CCDC125: variants seen among roughly 807,000 people sequenced by gnomAD.
The protein encoded by CCDC125 is coiled-coil domain-containing protein 125.
A neutral mutation model predicts 57.4 loss-of-function variants in CCDC125; 43 were observed. The ratio of observed to expected loss-of-function variants is 0.75; its 90% confidence interval spans 0.59 to 0.97. CCDC125 has a LOEUF of 0.97. Ranked by LOEUF, CCDC125 falls within the 50% of genes least tolerant of loss-of-function variation. CCDC125 has a pLI of 0.00. For synonymous variants in CCDC125, 187 were observed against 195.2 expected (o/e 0.96, Z 0.35); for missense variants, 563 against 595.7 (o/e 0.95, Z 0.57).
downstream of CCDC125, among the ~76,000 whole-genome samples, chr5:69,278,703 CTTTTTTTTTT>C (rs34258569): frequency 1.9e-4 from 21 of 108,126 alleles, no homozygotes; most frequent in African/African-American, 7.6e-4. Context: ...TCTCTCTCTC[CTTTTTTTTTT>C]TTTTTTTTTG....
chr5:69,325,847 AAAAAG>A, intron 1 of CCDC125, among the ~76,000 whole-genome samples: 1 of 151,252 alleles, frequency 6.6e-6, no homozygotes, highest in Non-Finnish European at 1.5e-5. Flanking sequence ...AAAAAAAAAA[AAAAAG>A]AGAGACAGCA....
intron 8 of CCDC125, among the ~76,000 whole-genome samples, chr5:69,298,568 C>T (rs2150398078): frequency 6.6e-6 from 1 of 152,204 alleles, no homozygotes; most frequent in South Asian, 2.1e-4. Flanking sequence ...CCTAGGTTGC[C>T]AAAAGCAACT....
chr5:69,286,688 T>G (rs1207066198), intron 10 of CCDC125, among the ~76,000 whole-genome samples: 1 of 152,160 alleles, frequency 6.6e-6, no homozygotes, highest in Non-Finnish European at 1.5e-5. Context: ...TTGCAGAAGT[T>G]ATAAAATCTC....
chr5:69,276,027 CT>C (rs905393838), downstream of CCDC125, among the ~76,000 whole-genome samples: 1 of 151,984 alleles, frequency 6.6e-6, no homozygotes. Context: ...AGAAGGGAGT[CT>C]TTTTTTCTTT....
chr5:69,331,491 A>T (rs1242377571), intron 1 of CCDC125, among the ~76,000 whole-genome samples: 3 of 152,016 alleles, frequency 2.0e-5, no homozygotes, highest in Non-Finnish European at 2.9e-5. Context: ...CGGTCTCCCA[A>T]AGTGCTGGAA....
In CCDC125 at chr5:69,300,138, C is replaced by T; in HGVS notation, c.701-11G>A. 1.3e-6 allele frequency: 2 copies of T among 1,589,096 alleles called. No homozygotes were observed. Among genetic ancestry groups the T allele is most frequent in the East Asian group, 2.2e-5 (1 of 44,760 alleles). On this transcript the variant is annotated splice_polypyrimidine_tract_variant and intron_variant, in intron 7 of 11. Coordinates refer to ENST00000396496, the MANE Select transcript of CCDC125 (RefSeq NM_176816.5). ...ACCGTTGATTCAAAACTAGGAAGGG[C>T]CATATGAGAAAGTATTCATTATGAA... is the stretch of plus-strand genomic sequence containing the variant.
downstream of CCDC125, chr5:69,277,305 A>G: frequency 2.2e-6 from 1 of 450,554 alleles, no homozygotes; most frequent in Admixed American, 4.3e-5. Flanking sequence ...TAAAATAAAA[A>G]TTTAATTCTG....
At chr5:69,279,279 C>G (rs894522248), downstream of CCDC125, among the ~76,000 whole-genome samples, 2 of 150,624 alleles carry the variant, frequency 1.3e-5, no homozygotes, top group Middle Eastern at 3.5e-3. Context: ...CTCACTGCAA[C>G]CTCCGCCCAC....
chr5:69,277,734 T>C (rs71622281), downstream of CCDC125, among the ~76,000 whole-genome samples: 6 of 149,780 alleles, frequency 4.0e-5, no homozygotes, highest in Non-Finnish European at 8.8e-5. Flanking sequence ...GGCGCCACTG[T>C]ACTCCAGCCT....
chr5:69,314,764 A>G (rs1758738206), intron 2 of CCDC125, among the ~76,000 whole-genome samples: 1 of 152,140 alleles, frequency 6.6e-6, no homozygotes, highest in South Asian at 2.1e-4. Context: ...TGACTGTACC[A>G]CTATACTCCA....
At chr5:69,328,757 T>C (rs1255281776) in intron 1 of CCDC125, among the ~76,000 whole-genome samples, 1 of 152,086 alleles carries the variant, frequency 6.6e-6, no homozygotes. Context: ...TAATCTTGAA[T>C]AGATAAACAC....
intron 1 of CCDC125, among the ~76,000 whole-genome samples, chr5:69,329,040 G>T (rs1300579696): frequency 3.3e-5 from 5 of 152,040 alleles, no homozygotes; most frequent in African/African-American, 9.7e-5. Context: ...TGATCCGCTG[G>T]CCTCGGCCTC....
intron 8 of CCDC125, 77 bp downstream of exon 8, chr5:69,299,935 G>A (rs1392640108): frequency 4.5e-6 from 5 of 1,115,628 alleles, no homozygotes; most frequent in Non-Finnish European, 6.9e-6. Flanking sequence ...CCTACAATGT[G>A]TACACAAGGG....
intron 2 of CCDC125, among the ~76,000 whole-genome samples, chr5:69,318,435 G>A (rs1759477468): frequency 6.6e-6 from 1 of 151,618 alleles, no homozygotes; most frequent in South Asian, 2.1e-4. Context: ...GACACAGTGA[G>A]ACTGTCTCTT....
downstream of CCDC125, among the ~76,000 whole-genome samples, chr5:69,275,971 A>G (rs949661531): frequency 1.3e-5 from 2 of 152,210 alleles, no homozygotes; most frequent in Non-Finnish European, 2.9e-5. Context: ...AGCATTTTAG[A>G]TAAGATATAT....
At chr5:69,286,364 TG>T (rs1051534994) in intron 10 of CCDC125, among the ~76,000 whole-genome samples, 72 of 150,918 alleles carry the variant, frequency 4.8e-4, no homozygotes, top group African/African-American at 1.6e-3. Context: ...CCCGAGTAGC[TG>T]GGACTACAGG....
At chr5:69,322,710 G>A (rs372605974) in intron 1 of CCDC125, among the ~76,000 whole-genome samples, 44 of 151,884 alleles carry the variant, frequency 2.9e-4, no homozygotes, top group African/African-American at 9.9e-4. Context: ...TTACAGGCAC[G>A]CGCCACCACA....
At position 69,303,849 on chromosome 5, in the gene CCDC125, G is replaced by A; in HGVS notation, c.698C>T (p.Ala233Val). 1 of 1,562,712 alleles carries A rather than the reference G, an allele frequency of 6.4e-7. No individual in the cohort carries two copies. Residue 233 changes from alanine to valine, a missense_variant and splice_region_variant, in exon 7 of 12, where the codon GCA (alanine) becomes GTA (valine). Transcript: ENST00000396496. ...CTTAATACAAAAATCATCATTACCT[G>A]CATTGTCAGACTTCAGCATTTTAAT... ...EEIKMLKSDN[A>V]VLNQRYLEAL...
rs1303369648 is a variant in CCDC125, at chr5:69,280,346, T to A, written c.*2383A>T. ...ATGATAATAATAAAAAACACACCTC[T>A]AGGTGGAAATTTAAGATGCTACTGA... On this transcript the variant is annotated 3_prime_UTR_variant, in exon 12 of 12. Coordinates refer to ENST00000396496, the MANE Select transcript of CCDC125 (RefSeq NM_176816.5). The A allele has an allele frequency of 6.6e-6, 1 of 152,166 alleles. No individual in the cohort carries two copies. The highest frequency in any genetic ancestry group is 1.9e-4 in the East Asian group (1 of 5,208). 9.4% of individuals were successfully genotyped at this position (152,166 alleles called of 1,614,324 possible).
Sources: allele counts gnomAD v4.1 joint callset (sites outside exome capture counted in the v4.1 genomes callset), GRCh38; gene constraint gnomAD v4.1.1; transcripts MANE v1.5; gene names NCBI Gene and HGNC (gene_info 2026-07-23, HGNC 2026-07-21).